POLA2: variants seen among roughly 807,000 people sequenced by gnomAD.
POLA2 encodes the protein DNA polymerase alpha 2, accessory subunit, also known as DNA polymerase alpha subunit B.
Under a neutral mutation model 82.8 loss-of-function variants are expected in POLA2, and 47 were observed. The observed-to-expected ratio is 0.57, with a 90% CI of 0.45 to 0.72. The LOEUF (loss-of-function observed/expected upper bound fraction) is 0.72. Ranked by LOEUF, POLA2 falls within the 30% of genes least tolerant of loss-of-function variation. The pLI, the probability that POLA2 is intolerant of heterozygous loss-of-function variation, is 0.00. For missense variants in POLA2, 634 were observed against 728.1 expected (o/e 0.87, Z 1.49); for synonymous variants, 287 against 286.8 (o/e 1.00, Z -0.01).
downstream of POLA2, among the ~76,000 whole-genome samples, chr11:65,303,684 G>A (rs1308746960): frequency 2.6e-5 from 4 of 152,158 alleles, no homozygotes; most frequent in African/African-American, 9.7e-5. Flanking sequence ...GGAGTGTCAT[G>A]TTCACTGTTG....
At chr11:65,301,871 G>A (rs532367830), downstream of POLA2, among the ~76,000 whole-genome samples, 6 of 152,296 alleles carry the variant, frequency 3.9e-5, no homozygotes, top group South Asian at 2.1e-4. Context: ...GTCCCCAAGC[G>A]ACCATGCCTA....
intron 10 of POLA2, chr11:65,287,465 C>A: frequency 3.1e-6 from 1 of 320,998 alleles, no homozygotes; most frequent in Non-Finnish European, 5.8e-6. Context: ...TCGAATCTTT[C>A]ATGTGCACAG....
In POLA2 at chr11:65,297,579, A is replaced by C. The variant is rs1394029813; in HGVS notation, c.*310A>C. On this transcript the variant is annotated 3_prime_UTR_variant, in exon 18 of 18. Coordinates refer to ENST00000265465, the MANE Select transcript of POLA2 (RefSeq NM_002689.4). ...TTGTGATTTTCTACATGAATCAAAC[A>C]CAGAAACAACTTTTGGAGAAATTAA... 4 of 240,478 alleles carry C rather than the reference A, an allele frequency of 1.7e-5. No homozygotes were observed. Among genetic ancestry groups the C allele is most frequent in the Non-Finnish European group, 3.2e-5 (4 of 125,868 alleles). 14.9% of individuals were successfully genotyped at this position (240,478 alleles called of 1,614,324 possible).
At chr11:65,268,357 A>AT (rs905358336) in intron 3 of POLA2, among the ~76,000 whole-genome samples, 43 of 142,484 alleles carry the variant, frequency 3.0e-4, no homozygotes, top group East Asian at 1.4e-3. Context: ...TATTATTATT[A>AT]TTTTTTTTTT....
intron 1 of POLA2, among the ~76,000 whole-genome samples, chr11:65,264,123 A>G (rs1949432369): frequency 6.6e-6 from 1 of 152,062 alleles, no homozygotes; most frequent in Admixed American, 6.6e-5. Context: ...GCTGGAGTGC[A>G]ATGGTGCAAT....
intron 4 of POLA2, among the ~76,000 whole-genome samples, chr11:65,272,420 A>T (rs1391698282): frequency 6.6e-6 from 1 of 152,176 alleles, no homozygotes; most frequent in African/African-American, 2.4e-5. Flanking sequence ...ATAGAGGTAA[A>T]TATGATATGT....
Position 65,262,305 on chromosome 11 carries a change from G to A in POLA2, c.13G>A (p.Ala5Thr), listed in dbSNP as rs151129443. ...GGCTTGGGCGACCATGTCCGCATCC[G>A]CCCAGCAGCTGGCGGAGGAGCTGCA... MSAS[A>T]QQLAEELQIF... is the part of the protein sequence containing the mutation. The change falls in exon 1 of 18, where the codon GCC becomes ACC. Residue 5 changes from alanine (A) to threonine (T), a missense_variant. Transcript: ENST00000265465. The A allele has an allele frequency of 4.3e-6, 7 of 1,613,292 alleles. No individual in the cohort carries two copies. The highest frequency in any genetic ancestry group is 2.2e-5 in the East Asian group (1 of 44,846).
At chr11:65,278,627 C>T (rs889704742) in intron 5 of POLA2, 103 bp from the exon 6 acceptor site, 2 of 935,772 alleles carry the variant, frequency 2.1e-6, no homozygotes, top group African/African-American at 1.6e-5. Context: ...TATGAGGCCA[C>T]CTTCCTTTTC....
downstream of POLA2, among the ~76,000 whole-genome samples, chr11:65,301,732 A>C (rs992782408): frequency 6.6e-6 from 1 of 152,282 alleles, no homozygotes; most frequent in South Asian, 2.1e-4. Flanking sequence ...GAGGGATGGC[A>C]ACAGAGAGGT....
rs377496276 is a variant in POLA2, at chr11:65,297,114, C to T, written c.1648-6C>T. 5.0e-6 allele frequency: 8 copies of T among 1,613,856 alleles called. No individual in the cohort carries two copies. The highest frequency in any genetic ancestry group is 6.8e-6 in the Non-Finnish European group (8 of 1,179,962). ...CCAAACCTGTCACCTCTCCTCTCCTCCCCAGGATGTCCTCGGCTGTGTCTG... is the reference window on the plus strand; with the variant it reads ...CCAAACCTGTCACCTCTCCTCTCCTTCCCAGGATGTCCTCGGCTGTGTCTG... On this transcript the variant is annotated splice_region_variant and splice_polypyrimidine_tract_variant and intron_variant, in intron 17 of 17. Transcript: ENST00000265465.
intron 4 of POLA2, among the ~76,000 whole-genome samples, chr11:65,269,503 AC>A (rs1297300932): frequency 5.9e-5 from 9 of 151,312 alleles, no homozygotes; most frequent in South Asian, 2.1e-4. Context: ...AAAAAAAAAA[AC>A]AACAACAACA....
At chr11:65,282,959 TCTCTA>T (rs1180111191) in intron 10 of POLA2, among the ~76,000 whole-genome samples, 1 of 152,070 alleles carries the variant, frequency 6.6e-6, no homozygotes, top group Non-Finnish European at 1.5e-5. Flanking sequence ...GGAGACCCTG[TCTCTA>T]CTAAAAATTA....
chr11:65,288,512 G>GTTTTTTTT (rs572913995), intron 11 of POLA2, among the ~76,000 whole-genome samples: 41 of 119,910 alleles, frequency 3.4e-4, no homozygotes, highest in East Asian at 4.9e-4. Context: ...TTTGTTTTTT[G>GTTTTTTTT]TTTTTTTTTT....
chr11:65,275,927 C>T lies in POLA2; in HGVS notation c.390C>T (p.Thr130=), dbSNP rs753844525. Residue 130 remains threonine (T), a synonymous_variant, in exon 5 of 18, where the codon ACC becomes ACT. Transcript: ENST00000265465. ...AGCGAGCTATCTCTACCCCAGAAAC[C>T]CCCCTAACAAAAAGGAGTGTGTCAA... is the stretch of plus-strand genomic sequence containing the variant. ...SQKRAISTPE[T]PLTKRSVSTR... is the part of the protein sequence containing the mutation. 6.2e-7 allele frequency: 1 copy of T among 1,608,388 alleles called. No homozygotes were observed. Among genetic ancestry groups the T allele is most frequent in the Admixed American group, 1.7e-5 (1 of 59,154 alleles).
In POLA2 at chr11:65,262,305, G is replaced by C; in HGVS notation, c.13G>C (p.Ala5Pro). MSAS[A>P]QQLAEELQIF... Reference sequence around the variant, plus strand: ...GGCTTGGGCGACCATGTCCGCATCCGCCCAGCAGCTGGCGGAGGAGCTGCA... The same window carrying C: ...GGCTTGGGCGACCATGTCCGCATCCCCCCAGCAGCTGGCGGAGGAGCTGCA... The change falls in exon 1 of 18, where the codon GCC becomes CCC. Residue 5 changes from alanine (A) to proline (P), a missense_variant. Transcript: ENST00000265465. 1 of 1,613,292 alleles carries C rather than the reference G, an allele frequency of 6.2e-7. No homozygotes were observed. The highest frequency in any genetic ancestry group is 8.5e-7 in the Non-Finnish European group (1 of 1,179,668).
chr11:65,284,159 A>G (rs1294440488), intron 10 of POLA2, among the ~76,000 whole-genome samples: 1 of 151,912 alleles, frequency 6.6e-6, no homozygotes, highest in Middle Eastern at 3.4e-3. Flanking sequence ...AGATAGATAG[A>G]TAGATAGATA....
At chr11:65,295,748 G>C (rs577205934) in intron 16 of POLA2, 116 bp from the exon 17 acceptor site, 20 of 1,388,894 alleles carry the variant, frequency 1.4e-5, no homozygotes, top group Middle Eastern at 1.8e-4. Context: ...CACACACACA[G>C]AGAAAAAGTC....
intron 11 of POLA2, 108 bp downstream of exon 11, chr11:65,287,948 C>A (rs1271504792): frequency 3.7e-6 from 4 of 1,067,884 alleles, no homozygotes; most frequent in East Asian, 2.5e-5. Context: ...TAGAAAATAT[C>A]TTTTCATTCT....
At chr11:65,300,595 G>C (rs148914867), downstream of POLA2, among the ~76,000 whole-genome samples, 18 of 150,338 alleles carry the variant, frequency 1.2e-4, no homozygotes, top group East Asian at 3.4e-3. Flanking sequence ...TTTTTTGTTT[G>C]TTTCTGAGAC....
Sources: allele counts gnomAD v4.1 joint callset (sites outside exome capture counted in the v4.1 genomes callset), GRCh38; gene constraint gnomAD v4.1.1; transcripts MANE v1.5; gene names NCBI Gene and HGNC (gene_info 2026-07-23, HGNC 2026-07-21).